Variants in PKNOX2 observed in about 807,000 individuals in gnomAD.
The protein encoded by PKNOX2 is PBX/knotted 1 homeobox 2, also known as homeobox protein PKNOX2.
A neutral mutation model predicts 53.1 loss-of-function variants in PKNOX2; 14 were observed. The observed-to-expected ratio is 0.26, with a 90% CI of 0.17 to 0.41. The LOEUF is 0.41. Among genes scored for constraint, PKNOX2 ranks in the 10% least tolerant of loss-of-function variants. The pLI, the probability that PKNOX2 is intolerant of heterozygous loss-of-function variation, is 1.00. For missense variants in PKNOX2, 496 were observed against 602.8 expected, an observed-to-expected ratio of 0.82 and a Z score of 1.85; for synonymous variants, 257 against 242.8, an observed-to-expected ratio of 1.06 and a Z score of -0.54.
In PKNOX2 at chr11:125,207,399, C is replaced by T. The variant is rs963057607; in HGVS notation, c.-200-27646C>T. Among the ~76,000 whole-genome samples, 14 of 151,900 alleles carry T rather than the reference C, an allele frequency of 9.2e-5. 2 individuals are homozygous for T. The highest frequency in any genetic ancestry group is 1.9e-4 in the Non-Finnish European group (13 of 67,976). Reference sequence around the variant, plus strand: ...AAATGTGAGTGCCGTTAGCCCATGACGGGTGTATAAGCTCTCCCAGGGAGC... The same window carrying T: ...AAATGTGAGTGCCGTTAGCCCATGATGGGTGTATAAGCTCTCCCAGGGAGC... On this transcript the variant is annotated intron_variant, in intron 1 of 12. Transcript: ENST00000298282.
At chr11:125,189,268 A>T (rs539633294) in intron 1 of PKNOX2, among the ~76,000 whole-genome samples, 4 of 150,448 alleles carry the variant, frequency 2.7e-5, no homozygotes, top group African/African-American at 9.8e-5. Flanking sequence ...CATTGGAGTT[A>T]TCGGTTCATG....
chr11:125,206,019 G>T (rs10893349), intron 1 of PKNOX2, among the ~76,000 whole-genome samples: 31,494 of 151,910 alleles, frequency 0.21, 4,031 homozygotes, highest in East Asian at 0.33. Flanking sequence ...GTGCACCGGG[G>T]TGATCTGGGA....
chr11:125,237,904 G>A (rs565105901), intron 2 of PKNOX2, among the ~76,000 whole-genome samples: 11 of 152,288 alleles, frequency 7.2e-5, no homozygotes, highest in Admixed American at 3.9e-4. Flanking sequence ...GGACTTCTAA[G>A]CTGGGGTAGG....
At position 125,367,941 on chromosome 11, in the gene PKNOX2, C is replaced by A. The variant is rs752191121; in HGVS notation, c.183C>A (p.Ile61=). The A allele has an allele frequency of 6.2e-7, 1 of 1,613,310 alleles. No homozygotes were observed. The highest frequency in any genetic ancestry group is 8.5e-7 in the Non-Finnish European group (1 of 1,179,696). Residue 61 remains isoleucine (I), a synonymous_variant, in exon 5 of 13, where the codon ATC becomes ATA. Coordinates refer to ENST00000298282, the MANE Select transcript of PKNOX2 (RefSeq NM_001382323.2). ...GCACACCTGTGCCCAGTGCCCCCATCGACCCCCAGGCCCAGCTGGAGGCTG... is the reference window on the plus strand; with the variant it reads ...GCACACCTGTGCCCAGTGCCCCCATAGACCCCCAGGCCCAGCTGGAGGCTG... ...AASTPVPSAP[I]DPQAQLEADK... is the part of the protein sequence containing the mutation.
At chr11:125,244,853 G>A (rs553052932) in intron 2 of PKNOX2, among the ~76,000 whole-genome samples, 11 of 152,282 alleles carry the variant, frequency 7.2e-5, no homozygotes, top group African/African-American at 2.6e-4. Context: ...GGTCTAGAAA[G>A]TGGATCCTTT....
intron 2 of PKNOX2, among the ~76,000 whole-genome samples, chr11:125,279,182 C>T (rs1275973462): frequency 6.6e-6 from 1 of 152,202 alleles, no homozygotes; most frequent in Non-Finnish European, 1.5e-5. Flanking sequence ...TGTGGGCATG[C>T]CTGTGTGGCA....
At chr11:125,182,908 TC>T (rs1956233313) in intron 1 of PKNOX2, among the ~76,000 whole-genome samples, 1 of 152,212 alleles carries the variant, frequency 6.6e-6, no homozygotes, top group African/African-American at 2.4e-5. Flanking sequence ...TGTGTCTTTT[TC>T]CCCTTTCCCT....
At chr11:125,327,110 G>T (rs937040593) in intron 2 of PKNOX2, among the ~76,000 whole-genome samples, 9 of 152,242 alleles carry the variant, frequency 5.9e-5, no homozygotes, top group African/African-American at 2.2e-4. Flanking sequence ...CAGAGTGGGG[G>T]TAACCTTCCC....
At chr11:125,230,641 C>T (rs1942130904) in intron 1 of PKNOX2, among the ~76,000 whole-genome samples, 1 of 152,198 alleles carries the variant, frequency 6.6e-6, no homozygotes, top group East Asian at 1.9e-4. Flanking sequence ...TCCTCATCCC[C>T]AAAGTCTGGC....
chr11:125,258,892 C>T (rs776444478), intron 2 of PKNOX2: 3 of 389,820 alleles, frequency 7.7e-6, no homozygotes, highest in South Asian at 5.5e-5. Context: ...AGAGGAGCTC[C>T]TGCTGCAGCC....
intron 8 of PKNOX2, 143 bp downstream of exon 8, chr11:125,410,468 G>A: frequency 8.4e-7 from 1 of 1,190,158 alleles, no homozygotes; most frequent in Non-Finnish European, 1.2e-6. Flanking sequence ...TTTTCTGTAA[G>A]TTTATAGACG....
At chr11:125,305,656 T>C (rs1365119102) in intron 2 of PKNOX2, among the ~76,000 whole-genome samples, 2 of 152,170 alleles carry the variant, frequency 1.3e-5, no homozygotes, top group Non-Finnish European at 2.9e-5. Flanking sequence ...GTGTCTTGCA[T>C]GGTCAGGAGC....
chr11:125,385,427 A>T, intron 5 of PKNOX2, 124 bp from the exon 6 acceptor site: 2 of 1,118,928 alleles, frequency 1.8e-6, no homozygotes, highest in Non-Finnish European at 2.5e-6. Flanking sequence ...TGGGGATGTT[A>T]TCAAGGAGTG....
chr11:125,242,674 C>A (rs994666033), intron 2 of PKNOX2, among the ~76,000 whole-genome samples: 1 of 151,612 alleles, frequency 6.6e-6, no homozygotes, highest in African/African-American at 2.4e-5. Context: ...GGGGGGAGGG[C>A]GGGTTGTGTG....
rs1373696240 is a variant in PKNOX2, at chr11:125,240,442, G to A, written c.-130+5327G>A. Among the ~76,000 whole-genome samples the A allele has an allele frequency of 6.6e-6, 1 of 152,122 alleles. No individual in the cohort carries two copies. The highest frequency in any genetic ancestry group is 2.4e-5 in the African/African-American group (1 of 41,430). On this transcript the variant is annotated intron_variant, in intron 2 of 12. Transcript: ENST00000298282. The surrounding 1 kb of genome is among the most constrained non-coding windows in gnomAD (Gnocchi z 4.3). The stretch of plus-strand genomic sequence containing the variant: ...TGGAGTCTTCTCCATAAACCTTTCT[G>A]GAGAGGAGCTGGGAAGGAGGGATGG...
chr11:125,255,130 A>T (rs192764230), intron 2 of PKNOX2, among the ~76,000 whole-genome samples: 1 of 152,332 alleles, frequency 6.6e-6, no homozygotes, highest in Admixed American at 6.5e-5. Context: ...CCCAGGAGGG[A>T]AAGTGACTAT....
rs768211639 is a variant in PKNOX2, at chr11:125,431,653, G to A, written c.*261G>A. On this transcript the variant is annotated 3_prime_UTR_variant, in exon 13 of 13. Coordinates refer to ENST00000298282, the MANE Select transcript of PKNOX2 (RefSeq NM_001382323.2). ...GCCAGTCGAGCAGCCTGTGTGGAAA[G>A]ACAGGAGTGAGATCTGGACTCACCA... is the stretch of plus-strand genomic sequence containing the variant. 5 of 505,800 alleles carry A rather than the reference G, an allele frequency of 9.9e-6. No individual in the cohort carries two copies. Among genetic ancestry groups the A allele is most frequent in the Non-Finnish European group, 1.8e-5 (5 of 279,004 alleles). The allele number at this position is 505,800 out of a possible 1,614,324, so 31.3% of individuals were successfully genotyped here. A position where few individuals can be genotyped will look rare whatever the true frequency, so the allele number is the denominator to read the frequency against.
intron 10 of PKNOX2, among the ~76,000 whole-genome samples, chr11:125,417,961 A>G (rs1248754774): frequency 1.3e-5 from 2 of 151,970 alleles, no homozygotes; most frequent in Non-Finnish European, 2.9e-5. Context: ...TGCACAAAAA[A>G]CACCCAGGGC....
rs569782759 is a variant in PKNOX2 at position 125,242,026 on chromosome 11, A to C, written c.-130+6911A>C. Among the ~76,000 whole-genome samples, 5 of 151,162 alleles carry C rather than the reference A, an allele frequency of 3.3e-5. No homozygotes were observed. The South Asian group carries it at 1.0e-3, about 31-fold the overall frequency. On this transcript the variant is annotated intron_variant, in intron 2 of 12. Transcript: ENST00000298282. Reference sequence around the variant, plus strand: ...GAGGGGGATGGCGGCGGGGAGCAGGAGACTGATTTCTGCTGACACCATGCA... The same window carrying C: ...GAGGGGGATGGCGGCGGGGAGCAGGCGACTGATTTCTGCTGACACCATGCA...
Sources: allele counts gnomAD v4.1 joint callset (sites outside exome capture counted in the v4.1 genomes callset), GRCh38; gene constraint gnomAD v4.1.1; non-coding constraint Gnocchi (gnomAD v3.1); transcripts MANE v1.5; gene names NCBI Gene and HGNC (gene_info 2026-07-23, HGNC 2026-07-21).